The following UBE2H variants were observed in gnomAD, a reference collection of about 807,000 sequenced individuals.
UBE2H encodes the protein ubiquitin-conjugating enzyme E2 H.
UBE2H carries 3 observed loss-of-function variants against 29.0 expected under a neutral mutation model. That is an observed-to-expected ratio of 0.10 (90% CI 0.05 to 0.27). The LOEUF is 0.27. UBE2H is among the 10% of genes least tolerant of loss of function. The probability of loss-of-function intolerance (pLI) is 1.00; values close to 1 mark genes in which losing one functional copy is unlikely to be tolerated. For synonymous variants in UBE2H, 69 were observed against 82.9 expected, an observed-to-expected ratio of 0.83 and a Z score of 0.91; for missense variants, 68 against 228.2, an observed-to-expected ratio of 0.30 and a Z score of 4.52.
chr7:129,890,296 TG>T, intron 1 of UBE2H, among the ~76,000 whole-genome samples: 1 of 152,020 alleles, frequency 6.6e-6, no homozygotes, highest in Non-Finnish European at 1.5e-5. Context: ...CACGTGTATA[TG>T]TATACATACG....
intron 5 of UBE2H, among the ~76,000 whole-genome samples, chr7:129,840,531 A>T (rs1179544708): frequency 6.6e-6 from 1 of 152,146 alleles, no homozygotes; most frequent in Admixed American, 6.5e-5. Context: ...CAGTTAGCAA[A>T]CAACAAACAC....
chr7:129,835,973 T>TA (rs1265654069), intron 6 of UBE2H, among the ~76,000 whole-genome samples: 40 of 152,234 alleles, frequency 2.6e-4, no homozygotes, highest in African/African-American at 8.9e-4. Context: ...TAAGAATGTT[T>TA]TTATATTTTA....
At chr7:129,839,573 A>T in intron 5 of UBE2H, 5 of 416,806 alleles carry the variant, frequency 1.2e-5, no homozygotes, top group African/African-American at 2.1e-5. Flanking sequence ...TTGAAGGACA[A>T]TTTTCCCAAT....
At chr7:129,867,714 A>AAAG in intron 3 of UBE2H, among the ~76,000 whole-genome samples, 1 of 88,976 alleles carries the variant, frequency 1.1e-5, no homozygotes, top group Non-Finnish European at 2.3e-5. Flanking sequence ...AAAAAAAAAA[A>AAAG]AAAGAAAACC....
intron 1 of UBE2H, among the ~76,000 whole-genome samples, chr7:129,908,169 G>A (rs77885103): frequency 0.021 from 3,214 of 152,186 alleles, 42 homozygotes; most frequent in Admixed American, 0.035. Context: ...ACATAATTCC[G>A]AAGCACCATA....
chr7:129,840,445 C>T (rs1277714426), intron 5 of UBE2H, among the ~76,000 whole-genome samples: 3 of 152,004 alleles, frequency 2.0e-5, no homozygotes, highest in Admixed American at 1.3e-4. Context: ...ATCTTGGCCT[C>T]CCCAAGTGCT....
At chr7:129,872,633 G>C (rs1806062494) in intron 3 of UBE2H, among the ~76,000 whole-genome samples, 1 of 151,936 alleles carries the variant, frequency 6.6e-6, no homozygotes, top group Non-Finnish European at 1.5e-5. Flanking sequence ...CCTGAGGTCA[G>C]GCATTTAAGA....
intron 1 of UBE2H, among the ~76,000 whole-genome samples, chr7:129,900,128 CAAA>C (rs777656206): frequency 8.0e-6 from 1 of 125,416 alleles, no homozygotes. Context: ...AGACCCATCT[CAAA>C]AAAAAAAAAA....
intron 3 of UBE2H, among the ~76,000 whole-genome samples, chr7:129,859,640 A>G (rs746550559): frequency 2.6e-5 from 4 of 152,246 alleles, no homozygotes; most frequent in Non-Finnish European, 5.9e-5. Flanking sequence ...TAATAGCTAT[A>G]TGGCCATTTG....
intron 3 of UBE2H, among the ~76,000 whole-genome samples, chr7:129,860,490 A>C (rs17162123): frequency 0.15 from 22,152 of 152,186 alleles, 1,687 homozygotes; most frequent in Admixed American, 0.2. Context: ...AGGGTAAAAA[A>C]CATTCTACAT....
At position 129,833,077 on chromosome 7, in the gene UBE2H, C is replaced by T. The variant is rs1805259839; in HGVS notation, c.*1860G>A. On this transcript the variant is annotated 3_prime_UTR_variant, in exon 7 of 7. Transcript: ENST00000355621. Reference sequence around the variant, plus strand: ...ATAACTCAGTACGGTTAACTAACCACAGCCCTACATCACTGCACTTTTTTT... The same window carrying T: ...ATAACTCAGTACGGTTAACTAACCATAGCCCTACATCACTGCACTTTTTTT... 1 of 152,338 alleles carries T rather than the reference C, an allele frequency of 6.6e-6. No homozygotes were observed. Among genetic ancestry groups the T allele is most frequent in the African/African-American group, 2.4e-5 (1 of 41,374 alleles). The allele number at this position is 152,338 out of a possible 1,614,324, so 9.4% of individuals were successfully genotyped here.
intron 1 of UBE2H, among the ~76,000 whole-genome samples, chr7:129,928,996 G>C (rs1032987069): frequency 1.3e-5 from 2 of 152,108 alleles, no homozygotes; most frequent in East Asian, 3.9e-4. Flanking sequence ...ACTGTCAATT[G>C]CCCAGAGTCA....
At chr7:129,873,957 T>C (rs1411509217) in intron 3 of UBE2H, among the ~76,000 whole-genome samples, 2 of 152,328 alleles carry the variant, frequency 1.3e-5, no homozygotes, top group Middle Eastern at 3.4e-3. Flanking sequence ...TATAGATCGG[T>C]AGCATTTCAC....
At position 129,948,933 on chromosome 7, in the gene UBE2H, T is replaced by C. The variant is rs1484923553; in HGVS notation, c.53+3570A>G. 4 of 450,632 alleles carry C rather than the reference T, an allele frequency of 8.9e-6. No homozygotes were observed. The East Asian group carries it at 2.1e-4, about 24-fold the overall frequency. The allele number at this position is 450,632 out of a possible 1,614,324, so 27.9% of individuals were successfully genotyped here. ...CTCCCCAGCCCCCACCTCTTTTGTA[T>C]ATAAACACACTCTCTTGTCACATAC... On this transcript the variant is annotated intron_variant, in intron 1 of 6. Transcript: ENST00000355621.
chr7:129,885,668 A>T (rs1046375076), intron 1 of UBE2H, among the ~76,000 whole-genome samples: 1 of 152,240 alleles, frequency 6.6e-6, no homozygotes, highest in African/African-American at 2.4e-5. Flanking sequence ...AGTCTACCTC[A>T]TATGAAAACC....
chr7:129,902,546 A>G (rs1373297583), intron 1 of UBE2H, among the ~76,000 whole-genome samples: 1 of 152,226 alleles, frequency 6.6e-6, no homozygotes, highest in African/African-American at 2.4e-5. Flanking sequence ...GGGAGGCTCC[A>G]TGGGACGGGG....
intron 1 of UBE2H, among the ~76,000 whole-genome samples, chr7:129,903,028 G>C (rs993216457): frequency 2.6e-5 from 4 of 152,170 alleles, no homozygotes; most frequent in African/African-American, 7.2e-5. Flanking sequence ...ACTCACTGTG[G>C]CTCCCTGCTC....
chr7:129,897,772 T>C (rs1479329063), intron 1 of UBE2H, among the ~76,000 whole-genome samples: 2 of 152,156 alleles, frequency 1.3e-5, no homozygotes, highest in Non-Finnish European at 2.9e-5. Flanking sequence ...GGAAGTTTGA[T>C]AAAAACTTGT....
intron 5 of UBE2H, among the ~76,000 whole-genome samples, chr7:129,853,396 G>A (rs2116305490): frequency 6.6e-6 from 1 of 152,212 alleles, no homozygotes. Context: ...CTGCTGTCTG[G>A]AAGAGCAGGA....
Sources: gnomAD v4.1 joint callset for allele counts (sites outside exome capture counted in the v4.1 genomes callset) on GRCh38, gnomAD v4.1.1 for gene constraint, MANE v1.5 for transcripts, NCBI Gene and HGNC (gene_info 2026-07-23, HGNC 2026-07-21) for gene names.